The following RTP3 variants were observed in gnomAD, a reference collection of about 807,000 sequenced individuals.
The protein encoded by RTP3 is receptor-transporting protein 3.
Under a neutral mutation model 6.2 loss-of-function variants are expected in RTP3, and 2 were observed. The ratio of observed to expected loss-of-function variants is 0.32; its 90% CI spans 0.13 to 1.02. RTP3 has a LOEUF of 1.02. RTP3 is among the 50% of genes least tolerant of loss of function. The pLI is 0.47. For synonymous variants in RTP3, 106 were observed against 98.3 expected (o/e 1.08, Z -0.47); for missense variants, 252 against 280.8 (o/e 0.90, Z 0.73).
At chr3:46,498,256 T>A in intron 1 of RTP3, 39 bp downstream of exon 1, 5 of 1,612,700 alleles carry the variant, frequency 3.1e-6, no homozygotes, top group Non-Finnish European at 4.2e-6. Flanking sequence ...CAGAAAATTC[T>A]TGCACATTTC....
chr3:46,498,627 C>T (rs944496021), intron 1 of RTP3, among the ~76,000 whole-genome samples: 5 of 152,282 alleles, frequency 3.3e-5, no homozygotes, highest in Admixed American at 6.5e-5. Context: ...CGGGGGAGGC[C>T]GGAGGAGCAG....
chr3:46,500,925 GA>G lies in RTP3; in HGVS notation c.*34del, dbSNP rs779268716. 69 of 1,521,024 alleles carry G rather than the reference GA, an allele frequency of 4.5e-5. No individual in the cohort carries two copies. In the Middle Eastern group the frequency reaches 7.2e-4, roughly 16 times the overall value. The allele number at this position is 1,521,024 out of a possible 1,614,324, so 94.2% of individuals were successfully genotyped here. A position where few individuals can be genotyped will look rare whatever the true frequency, so the allele number is the denominator to read the frequency against. ...GCCTTGGAAACATGAAGCTAAGTCA[GA>G]AAAAAAATCAGATACAAAAAGTCAT... On this transcript the variant is annotated 3_prime_UTR_variant, in exon 2 of 2. Coordinates refer to ENST00000296142, the MANE Select transcript of RTP3 (RefSeq NM_031440.2).
At chr3:46,499,498 G>A (rs1275018845) in intron 1 of RTP3, among the ~76,000 whole-genome samples, 1 of 152,158 alleles carries the variant, frequency 6.6e-6, no homozygotes, top group Non-Finnish European at 1.5e-5. Context: ...AAATGTCTCC[G>A]CCACAGTGCA....
rs777468773 is a variant in RTP3 at position 46,500,599 on chromosome 3, G to A, written c.399G>A (p.Leu133=). The change falls in exon 2 of 2, where the codon TTG becomes TTA. Residue 133 remains leucine, a synonymous_variant. Coordinates refer to ENST00000296142, the MANE Select transcript of RTP3 (RefSeq NM_031440.2). ...LKKCYRGRFQ[L]IEEVPMIKDI... ...AATGCTATAGAGGAAGATTTCAGTT[G>A]ATAGAGGAGGTTCCTATGATCAAGG... 12 of 1,614,072 alleles carry A rather than the reference G, an allele frequency of 7.4e-6. No homozygotes were observed. In the South Asian group the frequency reaches 1.2e-4, roughly 16 times the overall value.
Position 46,500,397 on chromosome 3 carries a change from A to G in RTP3, c.197A>G (p.Gln66Arg). ...SSCSRNWASA[Q>R]VLVLFHMNWS... The stretch of plus-strand genomic sequence containing the variant: ...TGCTCTCGTAACTGGGCCTCTGCCC[A>G]AGTTCTGGTCCTTTTCCACATGAAC... The change falls in exon 2 of 2, where the codon CAA (glutamine) becomes CGA (arginine). Residue 66 changes from glutamine to arginine, a missense_variant. Coordinates refer to ENST00000296142, the MANE Select transcript of RTP3 (RefSeq NM_031440.2). The G allele has an allele frequency of 6.2e-7, 1 of 1,613,776 alleles. No homozygotes were observed. Among genetic ancestry groups the G allele is most frequent in the Non-Finnish European group, 8.5e-7 (1 of 1,179,936 alleles).
At chr3:46,498,267 TTACTAGGTATACC>T in intron 1 of RTP3, 50 bp downstream of exon 1, 1 of 1,598,506 alleles carries the variant, frequency 6.3e-7, no homozygotes, top group South Asian at 1.1e-5. Context: ...TGCACATTTC[TTACTAGGTATACC>T]TGTTACTTTT....
chr3:46,498,847 A>T (rs1703676275), intron 1 of RTP3, among the ~76,000 whole-genome samples: 1 of 152,208 alleles, frequency 6.6e-6, no homozygotes, highest in African/African-American at 2.4e-5. Flanking sequence ...GAGAGTCTAC[A>T]TAGAGGGGGC....
In RTP3 at chr3:46,500,778, C is replaced by T. The variant is rs1368679670; in HGVS notation, c.578C>T (p.Ala193Val). 3.7e-6 allele frequency: 6 copies of T among 1,613,974 alleles called. No individual in the cohort carries two copies. The South Asian group carries it at 6.6e-5, about 18-fold the overall frequency. ...YKVEEVVKPW[A>V]SGENVYSYAC... ...GTGGAGGAGGTAGTTAAGCCCTGGG[C>T]CTCAGGAGAGAATGTCTATTCCTAC... The change falls in exon 2 of 2, where the codon GCC becomes GTC. Residue 193 changes from alanine (A) to valine (V), a missense_variant. Physicochemically the swap from Ala to Val is moderately conservative, Grantham distance 64 (BLOSUM62 0). Transcript: ENST00000296142.
At chr3:46,500,149 C>A (rs552806530) in intron 1 of RTP3, among the ~76,000 whole-genome samples, 1 of 152,316 alleles carries the variant, frequency 6.6e-6, no homozygotes, top group East Asian at 1.9e-4. Context: ...TTGCAATTCA[C>A]TGTTTTCATA....
rs1299197413 is a variant in RTP3 at position 46,500,674 on chromosome 3, G to A, written c.474G>A (p.Leu158=). The part of the protein sequence containing the change: ...PHNSDNCEAC[L]QGFCAGPIQV... ...ATAGTGACAACTGTGAGGCATGTCTGCAGGGCTTCTGTGCTGGGCCCATAC... is the reference window on the plus strand; with the variant it reads ...ATAGTGACAACTGTGAGGCATGTCTACAGGGCTTCTGTGCTGGGCCCATAC... The change falls in exon 2 of 2, where the codon CTG becomes CTA. Residue 158 remains leucine, a synonymous_variant. Transcript: ENST00000296142. The A allele has an allele frequency of 1.9e-6, 3 of 1,613,934 alleles. No homozygotes were observed. Among genetic ancestry groups the A allele is most frequent in the East Asian group, 2.2e-5 (1 of 44,884 alleles).
At chr3:46,499,093 T>C (rs1283015457) in intron 1 of RTP3, among the ~76,000 whole-genome samples, 1 of 152,234 alleles carries the variant, frequency 6.6e-6, no homozygotes, top group Non-Finnish European at 1.5e-5. Flanking sequence ...TCACAGCTTC[T>C]TGGCCTCTCC....
In RTP3 at chr3:46,500,555, G is replaced by A. The variant is rs374968814; in HGVS notation, c.355G>A (p.Val119Met). ...ENISRILKNL[V>M]FRILKKCYRG... is the part of the protein sequence containing the mutation. ...CATCTCAAGGATCCTGAAAAACCTGGTGTTCCGAATTCTGAAGAAATGCTA... is the reference window on the plus strand; with the variant it reads ...CATCTCAAGGATCCTGAAAAACCTGATGTTCCGAATTCTGAAGAAATGCTA... Residue 119 changes from valine (V) to methionine (M), a missense_variant, in exon 2 of 2, where the codon GTG becomes ATG. Coordinates refer to ENST00000296142, the MANE Select transcript of RTP3 (RefSeq NM_031440.2). 1.1e-5 allele frequency: 17 copies of A among 1,614,208 alleles called. No homozygotes were observed. The highest frequency in any genetic ancestry group is 1.3e-5 in the Non-Finnish European group (15 of 1,180,042).
chr3:46,499,244 G>A (rs930045811), intron 1 of RTP3, among the ~76,000 whole-genome samples: 8 of 152,210 alleles, frequency 5.3e-5, no homozygotes, highest in Non-Finnish European at 5.9e-5. Flanking sequence ...GGCATCGGGG[G>A]CTCAGCCACA....
chr3:46,498,112 G>A lies in RTP3; in HGVS notation c.50G>A (p.Arg17Gln), dbSNP rs755551206. ...VWKQMFQELM[R>Q]EVKPWHRWTL... is the part of the protein sequence containing the mutation. The stretch of plus-strand genomic sequence containing the variant: ...AAGCAAATGTTTCAGGAGTTAATGC[G>A]GGAGGTGAAGCCATGGCACAGGTGG... Residue 17 changes from arginine to glutamine, a missense_variant, in exon 1 of 2, where the codon CGG becomes CAG. Coordinates refer to ENST00000296142, the MANE Select transcript of RTP3 (RefSeq NM_031440.2). The A allele has an allele frequency of 1.2e-5, 19 of 1,614,192 alleles. No homozygotes were observed. The highest frequency in any genetic ancestry group is 3.3e-5 in the South Asian group (3 of 91,084).
chr3:46,500,660 T>A lies in RTP3; in HGVS notation c.460T>A (p.Cys154Ser). Reference protein sequence around the residue: ...SLEGPHNSDNCEACLQGFCAG... With the variant: ...SLEGPHNSDNSEACLQGFCAG... ...TGAAGGGCCACACAATAGTGACAAC[T>A]GTGAGGCATGTCTGCAGGGCTTCTG... is the stretch of plus-strand genomic sequence containing the variant. The change falls in exon 2 of 2, where the codon TGT (cysteine) becomes AGT (serine). Residue 154 changes from cysteine to serine, a missense_variant. Coordinates refer to ENST00000296142, the MANE Select transcript of RTP3 (RefSeq NM_031440.2). The A allele has an allele frequency of 6.2e-7, 1 of 1,614,054 alleles. No homozygotes were observed. The highest frequency in any genetic ancestry group is 8.5e-7 in the Non-Finnish European group (1 of 1,179,970).
chr3:46,500,339 C>T lies in RTP3; in HGVS notation c.156-17C>T. 1 of 1,580,804 alleles carries T rather than the reference C, an allele frequency of 6.3e-7. No homozygotes were observed. On this transcript the variant is annotated splice_polypyrimidine_tract_variant and intron_variant, in intron 1 of 1. Transcript: ENST00000296142. ...GGTCACATGGAGCCAGGCTGAGACT[C>T]TCTTCTGTCTCCACAGGTTCCAGTG...
At chr3:46,499,872 T>C (rs1665901289) in intron 1 of RTP3, among the ~76,000 whole-genome samples, 1 of 151,790 alleles carries the variant, frequency 6.6e-6, no homozygotes, top group African/African-American at 2.4e-5. Flanking sequence ...AACCCATGAG[T>C]CTATAACTTA....
At chr3:46,500,297 G>A in intron 1 of RTP3, 59 bp from the exon 2 acceptor site, 1 of 1,518,926 alleles carries the variant, frequency 6.6e-7, no homozygotes, top group Non-Finnish European at 8.8e-7. Context: ...TCTCTCTCTG[G>A]CAGTTCCCCG....
chr3:46,500,786 G>A lies in RTP3; in HGVS notation c.586G>A (p.Glu196Lys). ...EEVVKPWASG[E>K]NVYSYACQNH... ...GGTAGTTAAGCCCTGGGCCTCAGGAGAGAATGTCTATTCCTACGCATGCCA... is the reference window on the plus strand; with the variant it reads ...GGTAGTTAAGCCCTGGGCCTCAGGAAAGAATGTCTATTCCTACGCATGCCA... Residue 196 changes from glutamate to lysine, a missense_variant, in exon 2 of 2, where the codon GAG (glutamate) becomes AAG (lysine). Coordinates refer to ENST00000296142, the MANE Select transcript of RTP3 (RefSeq NM_031440.2). 1 of 1,614,184 alleles carries A rather than the reference G, an allele frequency of 6.2e-7. No individual in the cohort carries two copies. Among genetic ancestry groups the A allele is most frequent in the Non-Finnish European group, 8.5e-7 (1 of 1,180,032 alleles).
Sources: gnomAD v4.1 joint callset for allele counts (sites outside exome capture counted in the v4.1 genomes callset) on GRCh38, gnomAD v4.1.1 for gene constraint, MANE v1.5 for transcripts, NCBI Gene and HGNC (gene_info 2026-07-23, HGNC 2026-07-21) for gene names.